Variants in LINGO2 observed in about 807,000 individuals in gnomAD.
LINGO2 encodes leucine rich repeat and Ig domain containing 2, also known as leucine-rich repeat and immunoglobulin-like domain-containing nogo receptor-interacting protein 2.
A neutral mutation model predicts 30.6 loss-of-function variants in LINGO2; 14 were observed. That is an observed-to-expected ratio of 0.46 (90% CI 0.30 to 0.72). The LOEUF (loss-of-function observed/expected upper bound fraction) is 0.72. LINGO2 is among the 30% of genes least tolerant of loss of function. The probability of loss-of-function intolerance (pLI) is 0.07; values close to 1 mark genes in which losing one functional copy is unlikely to be tolerated. For synonymous variants in LINGO2, 317 were observed against 288.5 expected (o/e 1.10, Z -1.00); for missense variants, 729 against 751.7 (o/e 0.97, Z 0.35).
At chr9:29,127,760 G>A in the LINGO2 span, among the ~76,000 whole-genome samples, 2 of 152,120 alleles carry the variant, frequency 1.3e-5, no homozygotes, top group Admixed American at 6.6e-5. Flanking sequence ...AAAGGGGAAG[G>A]ACTCTTTTCT....
intron 5 of LINGO2, among the ~76,000 whole-genome samples, chr9:27,952,497 T>C (rs1052808427): frequency 2.0e-5 from 3 of 151,624 alleles, no homozygotes; most frequent in Admixed American, 2.0e-4. Context: ...TCAGAAACAG[T>C]AAAAAAATTA....
chr9:28,954,039 T>G, the LINGO2 span, among the ~76,000 whole-genome samples: 2 of 152,140 alleles, frequency 1.3e-5, no homozygotes, highest in Non-Finnish European at 2.9e-5. Context: ...TTTTAAAGTA[T>G]TGGGAAGTGT....
chr9:28,843,645 G>C, the LINGO2 span, among the ~76,000 whole-genome samples: 1 of 151,760 alleles, frequency 6.6e-6, no homozygotes. Flanking sequence ...ATCAATTTTT[G>C]CTCAGGAAAA....
In LINGO2 at chr9:28,172,033, A is replaced by C. The variant is rs867241698; in HGVS notation, c.-87+123175T>G. On this transcript the variant is annotated intron_variant, in intron 4 of 5. Coordinates refer to ENST00000379992, the Ensembl canonical transcript of LINGO2. Reference sequence around the variant, plus strand: ...CTCCGTCTCAAAAAAAAAAAAAAAAACAAAAAAAAAAACCCAGCATCTCCT... The same window carrying C: ...CTCCGTCTCAAAAAAAAAAAAAAAACCAAAAAAAAAAACCCAGCATCTCCT... 6.9e-5 allele frequency among the ~76,000 whole-genome samples: 6 copies of C among 87,138 alleles called. 1 individual carries two copies. Among genetic ancestry groups the C allele is most frequent in the Non-Finnish European group, 1.1e-4 (5 of 45,250 alleles). 57.2% of individuals were successfully genotyped at this position (87,138 alleles called of 152,430 possible).
At chr9:28,454,826 C>A (rs1824784426) in intron 2 of LINGO2, among the ~76,000 whole-genome samples, 1 of 151,846 alleles carries the variant, frequency 6.6e-6, no homozygotes, top group African/African-American at 2.4e-5. Context: ...ATTTCTGAAA[C>A]TTCTTTTTTC....
At chr9:28,227,698 A>T (rs962436765) in intron 4 of LINGO2, among the ~76,000 whole-genome samples, 1 of 152,038 alleles carries the variant, frequency 6.6e-6, no homozygotes, top group East Asian at 1.9e-4. Flanking sequence ...ACAGCCACAT[A>T]CTATGTAATG....
the LINGO2 span, among the ~76,000 whole-genome samples, chr9:29,127,876 T>G: frequency 6.6e-6 from 1 of 152,244 alleles, no homozygotes; most frequent in East Asian, 1.9e-4. Flanking sequence ...CCCTCTTTTC[T>G]TATGCTAAAT....
chr9:29,154,739 A>T, the LINGO2 span, among the ~76,000 whole-genome samples: 2 of 152,202 alleles, frequency 1.3e-5, no homozygotes, highest in Admixed American at 1.3e-4. Context: ...TCTGCTCCTA[A>T]CTTTAGATTA....
At position 28,051,038 on chromosome 9, in the gene LINGO2, T is replaced by C. The variant is rs1824648166; in HGVS notation, c.-86-38633A>G. The stretch of plus-strand genomic sequence containing the variant: ...AAAGTTCTGTTTTTAGCTAACCTCT[T>C]TCTCAGTTCCAGCTTTTAGCTAACT... On this transcript the variant is annotated intron_variant, in intron 4 of 5. Transcript: ENST00000379992. Among the ~76,000 whole-genome samples the C allele has an allele frequency of 1.3e-5, 2 of 150,936 alleles. 1 individual carries two copies. Among genetic ancestry groups the C allele is most frequent in the African/African-American group, 4.9e-5 (2 of 40,848 alleles).
chr9:28,531,036 T>A (rs1821213552), intron 1 of LINGO2, among the ~76,000 whole-genome samples: 1 of 146,622 alleles, frequency 6.8e-6, no homozygotes, highest in Admixed American at 6.8e-5. Flanking sequence ...AAGTATGCCA[T>A]ATATAAAAAT....
chr9:28,053,320 C>T lies in LINGO2; in HGVS notation c.-86-40915G>A, dbSNP rs117635054. ...GAAACTGCCAGCAGTTTAGTATGAC[C>T]GGGTCTTAGGCTGCAAGGGAGAGAG... On this transcript the variant is annotated intron_variant, in intron 4 of 5. Transcript: ENST00000379992. Among the ~76,000 whole-genome samples the T allele has an allele frequency of 5.7e-3, 859 of 152,030 alleles. 7 individuals carry two copies. The highest frequency in any genetic ancestry group is 0.014 in the South Asian group (69 of 4,822).
chr9:29,044,502 G>A, the LINGO2 span, among the ~76,000 whole-genome samples: 1 of 151,954 alleles, frequency 6.6e-6, no homozygotes, highest in South Asian at 2.1e-4. Flanking sequence ...TAGTGAGAAT[G>A]TAAACAGGTA....
chr9:28,847,764 CAT>C, the LINGO2 span, among the ~76,000 whole-genome samples: 10 of 35,746 alleles, frequency 2.8e-4, no homozygotes, highest in Admixed American at 2.6e-3. Flanking sequence ...TATACACACA[CAT>C]ATGTGTATAT....
chr9:28,571,452 A>T (rs550143680), intron 1 of LINGO2, among the ~76,000 whole-genome samples: 21 of 152,056 alleles, frequency 1.4e-4, no homozygotes, highest in South Asian at 4.1e-4. Context: ...TATCGTTATC[A>T]CATGCTGAGT....
At chr9:28,346,256 T>C (rs970169619) in intron 3 of LINGO2, among the ~76,000 whole-genome samples, 1 of 152,154 alleles carries the variant, frequency 6.6e-6, no homozygotes, top group African/African-American at 2.4e-5. Flanking sequence ...CCAGTATCCA[T>C]GTGTTCTCAT....
At chr9:28,687,524 AAGAG>A in the LINGO2 span, among the ~76,000 whole-genome samples, 4 of 152,052 alleles carry the variant, frequency 2.6e-5, no homozygotes, top group South Asian at 8.3e-4. Flanking sequence ...CTTCTGAAGA[AAGAG>A]AGAGAGAGAC....
intron 1 of LINGO2, among the ~76,000 whole-genome samples, chr9:28,542,096 G>T (rs1192937323): frequency 2.0e-5 from 3 of 152,142 alleles, no homozygotes; most frequent in Non-Finnish European, 2.9e-5. Context: ...GGAAGGGAAA[G>T]AAGTTAAATT....
intron 2 of LINGO2, among the ~76,000 whole-genome samples, chr9:28,431,532 T>C (rs969242470): frequency 7.2e-5 from 11 of 152,196 alleles, no homozygotes; most frequent in Non-Finnish European, 1.2e-4. Flanking sequence ...TGAAATTATG[T>C]AGAATTTCTA....
chr9:28,696,525 T>C, the LINGO2 span, among the ~76,000 whole-genome samples: 1 of 151,918 alleles, frequency 6.6e-6, no homozygotes, highest in Non-Finnish European at 1.5e-5. Flanking sequence ...ATGAATGAAT[T>C]CATTTTTGAC....
Sources: allele counts gnomAD v4.1 joint callset (sites outside exome capture counted in the v4.1 genomes callset), GRCh38; gene constraint gnomAD v4.1.1; transcripts MANE v1.5; gene names NCBI Gene and HGNC (gene_info 2026-07-23, HGNC 2026-07-21).